Variants in SUPT3H observed in about 807,000 individuals in gnomAD.
The protein encoded by SUPT3H is SPT3 homolog, SAGA and STAGA complex component, also known as transcription initiation protein SPT3 homolog.
In SUPT3H, 44 loss-of-function variants were observed where a neutral mutation model predicts 44.3. The observed-to-expected ratio is 0.99, with a 90% CI of 0.78 to 1.28. SUPT3H has a LOEUF of 1.28. SUPT3H is among the 50% of genes most tolerant of loss of function. SUPT3H has a pLI of 0.00. For synonymous variants in SUPT3H, 124 were observed against 125.6 expected, an observed-to-expected ratio of 0.99 and a Z score of 0.09; for missense variants, 380 against 387.1, an observed-to-expected ratio of 0.98 and a Z score of 0.15.
In SUPT3H at chr6:44,840,048, T is replaced by C. The variant is rs1026550368; in HGVS notation, c.913-10191A>G. ...ATTAAGAAGTCAGTTGAAATTCTTG[T>C]CCAAACTGGTTGGCAAAAGTTGAGA... On this transcript the variant is annotated intron_variant, in intron 10 of 10. Coordinates refer to ENST00000371459, the MANE Select transcript of SUPT3H (RefSeq NM_003599.4). Among the ~76,000 whole-genome samples, 10 of 152,218 alleles carry C rather than the reference T, an allele frequency of 6.6e-5. No homozygotes were observed. The South Asian group carries it at 2.1e-3, about 32-fold the overall frequency.
At chr6:45,341,622 G>A (rs1053461245) in intron 2 of SUPT3H, among the ~76,000 whole-genome samples, 1 of 152,114 alleles carries the variant, frequency 6.6e-6, no homozygotes, top group Non-Finnish European at 1.5e-5. Flanking sequence ...AGAGTACAAT[G>A]GCATAAGACT....
intron 2 of SUPT3H, among the ~76,000 whole-genome samples, chr6:45,119,255 T>C (rs889118402): frequency 3.3e-5 from 5 of 152,212 alleles, no homozygotes; most frequent in African/African-American, 7.2e-5. Flanking sequence ...TGTAGTTACA[T>C]AGTCATACTT....
downstream of SUPT3H, among the ~76,000 whole-genome samples, chr6:44,823,768 C>T (rs1174919031): frequency 2.0e-5 from 3 of 152,064 alleles, no homozygotes; most frequent in Admixed American, 1.3e-4. Flanking sequence ...TCGAGACCAA[C>T]CTGGCCAACA....
intron 2 of SUPT3H, among the ~76,000 whole-genome samples, chr6:45,269,100 A>T (rs1775716794): frequency 6.6e-6 from 1 of 152,216 alleles, no homozygotes; most frequent in Non-Finnish European, 1.5e-5. Flanking sequence ...TAGTGAAAAG[A>T]AAGAAATTTG....
chr6:45,354,798 T>C (rs1792817901), intron 2 of SUPT3H, among the ~76,000 whole-genome samples: 2 of 152,032 alleles, frequency 1.3e-5, no homozygotes, highest in African/African-American at 2.4e-5. Context: ...CTAGGGTTTA[T>C]AGTGCAGCTT....
intron 2 of SUPT3H, among the ~76,000 whole-genome samples, chr6:45,360,936 C>A (rs929153982): frequency 7.9e-5 from 12 of 152,076 alleles, no homozygotes; most frequent in Non-Finnish European, 1.6e-4. Flanking sequence ...AGACTATATG[C>A]CTCTTGAAGG....
chr6:44,908,946 A>C (rs1766559002), intron 10 of SUPT3H, among the ~76,000 whole-genome samples: 1 of 152,210 alleles, frequency 6.6e-6, no homozygotes, highest in Non-Finnish European at 1.5e-5. Flanking sequence ...ATTAAATAAT[A>C]AGCTTTCATC....
chr6:45,061,837 T>G (rs1404351960), intron 3 of SUPT3H, among the ~76,000 whole-genome samples: 2 of 151,158 alleles, frequency 1.3e-5, no homozygotes, highest in Non-Finnish European at 2.9e-5. Flanking sequence ...GAGCTGTAAA[T>G]TCAGAGTTAC....
chr6:45,111,177 C>T (rs932059348), intron 2 of SUPT3H, among the ~76,000 whole-genome samples: 14 of 151,788 alleles, frequency 9.2e-5, no homozygotes, highest in East Asian at 3.9e-4. Context: ...GGATTACAGG[C>T]GCCCGCCACC....
At chr6:45,156,464 G>A (rs1305286333) in intron 2 of SUPT3H, among the ~76,000 whole-genome samples, 1 of 151,946 alleles carries the variant, frequency 6.6e-6, no homozygotes, top group Non-Finnish European at 1.5e-5. Context: ...TAAAGGCATA[G>A]GCTCAATGAC....
At chr6:44,912,051 A>G (rs1379352942) in intron 10 of SUPT3H, among the ~76,000 whole-genome samples, 1 of 152,244 alleles carries the variant, frequency 6.6e-6, no homozygotes, top group Admixed American at 6.5e-5. Context: ...ACAGAACTTC[A>G]TGGAATTCAG....
At position 44,906,861 on chromosome 6, in the gene SUPT3H, T is replaced by A. The variant is rs149918253; in HGVS notation, c.912+25792A>T. On this transcript the variant is annotated intron_variant, in intron 10 of 10. Transcript: ENST00000371459. ...GTTCTCCTGCTCTTGGCCATTGTTG[T>A]TTTTACTCTCAAATGCATTAGTACT... Among the ~76,000 whole-genome samples, 8 of 152,336 alleles carry A rather than the reference T, an allele frequency of 5.3e-5. No individual in the cohort carries two copies. The East Asian group carries it at 1.5e-3, about 29-fold the overall frequency.
chr6:45,374,510 T>C (rs770289786), intron 1 of SUPT3H, among the ~76,000 whole-genome samples: 4 of 152,212 alleles, frequency 2.6e-5, no homozygotes, highest in Non-Finnish European at 5.9e-5. Context: ...AGAGCCTCAA[T>C]AAAATATTTT....
rs750881434 is a variant in SUPT3H at position 44,989,216 on chromosome 6, A to G, written c.504+14437T>C. Among the ~76,000 whole-genome samples, 74 of 152,306 alleles carry G rather than the reference A, an allele frequency of 4.9e-4. 1 individual carries two copies. The highest frequency in any genetic ancestry group is 1.4e-3 in the Admixed American group (21 of 15,276). ...ATCACCCTTTGGTTACACTGCATGT[A>G]TAAGTGAGATCATGTAGTATTTTTC... On this transcript the variant is annotated intron_variant, in intron 6 of 10. Transcript: ENST00000371459.
intron 6 of SUPT3H, among the ~76,000 whole-genome samples, chr6:45,000,083 TAC>T (rs1489943925): frequency 6.7e-6 from 1 of 150,300 alleles, no homozygotes; most frequent in Non-Finnish European, 1.5e-5. Context: ...TAAATGTATA[TAC>T]ACAGATATAT....
At chr6:44,831,917 T>G (rs1178827985) in intron 10 of SUPT3H, among the ~76,000 whole-genome samples, 2 of 152,158 alleles carry the variant, frequency 1.3e-5, no homozygotes, top group East Asian at 3.8e-4. Flanking sequence ...AATAACTTAT[T>G]TAATAACACA....
chr6:44,973,195 C>G (rs1777843213), intron 6 of SUPT3H, among the ~76,000 whole-genome samples: 1 of 152,122 alleles, frequency 6.6e-6, no homozygotes, highest in African/African-American at 2.4e-5. Context: ...TTACAGCACC[C>G]AAGGAACCTC....
In SUPT3H at chr6:45,159,007, A is replaced by G. The variant is rs1050349366; in HGVS notation, c.102-53001T>C. On this transcript the variant is annotated intron_variant, in intron 2 of 10. Coordinates refer to ENST00000371459, the MANE Select transcript of SUPT3H (RefSeq NM_003599.4). ...TCATCACTGCTGCATTCTAAAATCC[A>G]TAATGTAGTATGTCAGGATGACCTA... The G allele has an allele frequency of 4.6e-5, 7 of 152,194 alleles. No individual in the cohort carries two copies. In the South Asian group the frequency reaches 1.4e-3, roughly 31 times the overall value. The allele number at this position is 152,194 out of a possible 1,614,324, so 9.4% of individuals were successfully genotyped here.
chr6:44,997,981 A>T (rs1781496170), intron 6 of SUPT3H, among the ~76,000 whole-genome samples: 1 of 151,890 alleles, frequency 6.6e-6, no homozygotes, highest in African/African-American at 2.4e-5. Flanking sequence ...TCAAGGAAAA[A>T]ATCCTACTCA....
Sources: gnomAD v4.1 joint callset for allele counts (sites outside exome capture counted in the v4.1 genomes callset) on GRCh38, gnomAD v4.1.1 for gene constraint, MANE v1.5 for transcripts, NCBI Gene and HGNC (gene_info 2026-07-23, HGNC 2026-07-21) for gene names.